Variants in NT5C2 observed in about 807,000 individuals in gnomAD.
NT5C2 encodes the protein 5'-nucleotidase, cytosolic II.
Under a neutral mutation model 76.1 loss-of-function variants are expected in NT5C2, and 58 were observed. That is an observed-to-expected ratio of 0.76 (90% confidence interval 0.62 to 0.95). The LOEUF is 0.95. Among genes scored for constraint, NT5C2 ranks in the 40% least tolerant of loss-of-function variants. The pLI, the probability that NT5C2 is intolerant of heterozygous loss-of-function variation, is 0.00. For synonymous variants in NT5C2, 229 were observed against 237.4 expected, an observed-to-expected ratio of 0.96 and a Z score of 0.32; for missense variants, 478 against 690.3, an observed-to-expected ratio of 0.69 and a Z score of 3.45.
At position 103,090,776 on chromosome 10, in the gene NT5C2, A is replaced by ATGAG; in HGVS notation, c.1280_1283dup (p.Asp429SerfsTer2). The ATGAG allele has an allele frequency of 6.2e-7, 1 of 1,614,000 alleles. No individual in the cohort carries two copies. Reference sequence around the variant, plus strand: ...TCATCCCATAGCACATGTCCATGTCATGAGTTACTTTCTAAAACAAAGAAC... The same window carrying ATGAG: ...TCATCCCATAGCACATGTCCATGTCATGAGTGAGTTACTTTCTAAAACAAAGAAC... On this transcript the variant is annotated frameshift_variant, in exon 18 of 19. Coordinates refer to ENST00000404739, the MANE Select transcript of NT5C2 (RefSeq NM_001351169.2). LOFTEE classifies it high-confidence loss of function.
rs1369817879 is a variant in NT5C2 at position 103,101,247 on chromosome 10, A to G, written c.469T>C (p.Phe157Leu). Residue 157 changes from phenylalanine (F) to leucine (L), a missense_variant, in exon 7 of 19, where the codon TTC (phenylalanine) becomes CTC (leucine). Coordinates refer to ENST00000404739, the MANE Select transcript of NT5C2 (RefSeq NM_001351169.2). The stretch of plus-strand genomic sequence containing the variant: ...AGAATGAATCTACCTGGTAGGTTGA[A>G]TAGTGTGTTCAGAATGTAAAATCTT... ...TERFYILNTL[F>L]NLPETYLLAC... 6.3e-7 allele frequency: 1 copy of G among 1,594,518 alleles called. No homozygotes were observed. Among genetic ancestry groups the G allele is most frequent in the Non-Finnish European group, 8.6e-7 (1 of 1,162,658 alleles).
At chr10:103,122,891 T>A (rs77107966) in intron 4 of NT5C2, among the ~76,000 whole-genome samples, 281 of 152,322 alleles carry the variant, frequency 1.8e-3, no homozygotes, top group African/African-American at 6.6e-3. Context: ...TATCCACTTC[T>A]TTATCAATCC....
intron 4 of NT5C2, among the ~76,000 whole-genome samples, chr10:103,132,059 G>A (rs945297119): frequency 5.3e-5 from 8 of 152,020 alleles, no homozygotes; most frequent in Non-Finnish European, 1.2e-4. Flanking sequence ...TGACCAACAC[G>A]GTGAAACCCT....
intron 8 of NT5C2, among the ~76,000 whole-genome samples, chr10:103,100,340 T>A (rs1024916703): frequency 6.6e-6 from 1 of 152,242 alleles, no homozygotes; most frequent in East Asian, 1.9e-4. Flanking sequence ...ATTTAAAACT[T>A]AAAATTGGTC....
chr10:103,096,371 CTG>C (rs1187337255), intron 11 of NT5C2, among the ~76,000 whole-genome samples: 1 of 152,188 alleles, frequency 6.6e-6, no homozygotes, highest in Non-Finnish European at 1.5e-5. Flanking sequence ...TTATGTAAGA[CTG>C]TTTACTACAA....
chr10:103,136,128 A>G (rs867861976), intron 4 of NT5C2, among the ~76,000 whole-genome samples: 15 of 152,248 alleles, frequency 9.9e-5, no homozygotes, highest in South Asian at 2.1e-4. Context: ...GCCCAATCTC[A>G]GGTATGTCTA....
At chr10:103,181,001 C>T (rs1272876906) in intron 2 of NT5C2, among the ~76,000 whole-genome samples, 184 bp downstream of exon 2, 1 of 152,052 alleles carries the variant, frequency 6.6e-6, no homozygotes, top group East Asian at 1.9e-4. Flanking sequence ...TGACAGAACA[C>T]AGACCAGTGG....
At chr10:103,134,749 C>T (rs1016390816) in intron 4 of NT5C2, among the ~76,000 whole-genome samples, 1 of 152,202 alleles carries the variant, frequency 6.6e-6, no homozygotes, top group African/African-American at 2.4e-5. Context: ...CACAGACACC[C>T]AACACCAGCC....
At position 103,099,995 on chromosome 10, in the gene NT5C2, C is replaced by T. The variant is rs761691397; in HGVS notation, c.564G>A (p.Gly188=). Residue 188 remains glycine, a synonymous_variant, in exon 9 of 19, where the codon GGG becomes GGA. Coordinates refer to ENST00000404739, the MANE Select transcript of NT5C2 (RefSeq NM_001351169.2). The part of the protein sequence containing the change: ...YTSCETGFKD[G]DLFMSYRSMF... ...TACTCCGGTAGGACATGAAGAGGTC[C>T]CCATCTTTAAATCCTGTTTCACAAC... is the stretch of plus-strand genomic sequence containing the variant. 8 of 1,611,148 alleles carry T rather than the reference C, an allele frequency of 5.0e-6. No homozygotes were observed. The highest frequency in any genetic ancestry group is 1.1e-5 in the South Asian group (1 of 91,006).
intron 4 of NT5C2, 87 bp from the exon 5 acceptor site, chr10:103,106,793 A>C: frequency 1.2e-6 from 1 of 845,190 alleles, no homozygotes; most frequent in Non-Finnish European, 2.0e-6. Flanking sequence ...GCTCTTTCCC[A>C]GTTCTTCCCC....
Position 103,096,845 on chromosome 10 carries a change from CAAAAAAA to C in NT5C2, c.771+439_771+445del, listed in dbSNP as rs71019656. ...TGGGCGACAGAGTGAGACTCTGTCTCAAAAAAAAAAAAAAAAAAAAAAAAAAGATATA... is the reference window on the plus strand; with the variant it reads ...TGGGCGACAGAGTGAGACTCTGTCTCAAAAAAAAAAAAAAAAAAAGATATA... On this transcript the variant is annotated intron_variant, in intron 11 of 18. Transcript: ENST00000404739. Among the ~76,000 whole-genome samples, 16 of 31,388 alleles carry C rather than the reference CAAAAAAA, an allele frequency of 5.1e-4. No individual in the cohort carries two copies. The East Asian group carries it at 0.014, about 28-fold the overall frequency. 20.6% of individuals were successfully genotyped at this position (31,388 alleles called of 152,430 possible).
chr10:103,162,975 G>A (rs1366672588), intron 3 of NT5C2, among the ~76,000 whole-genome samples: 1 of 151,892 alleles, frequency 6.6e-6, no homozygotes, highest in Non-Finnish European at 1.5e-5. Context: ...CTAACTCTTA[G>A]AACCCACTAA....
intron 3 of NT5C2, among the ~76,000 whole-genome samples, chr10:103,170,466 G>GA (rs1042989703): frequency 1.3e-5 from 2 of 150,940 alleles, no homozygotes; most frequent in Non-Finnish European, 2.9e-5. Context: ...CATTCCAAAT[G>GA]AGTTAGGAGT....
intron 4 of NT5C2, among the ~76,000 whole-genome samples, chr10:103,129,336 C>T (rs1175726541): frequency 6.6e-5 from 7 of 105,452 alleles, no homozygotes; most frequent in East Asian, 3.4e-4. Flanking sequence ...CCGCCCCGTC[C>T]GGGAGGGAGG....
At chr10:103,151,599 A>G (rs12775302) in intron 3 of NT5C2, among the ~76,000 whole-genome samples, 47,933 of 152,038 alleles carry the variant, frequency 0.32, 7,638 homozygotes, top group Middle Eastern at 0.37. Context: ...CTTAACACTA[A>G]TATCACACTG....
intron 3 of NT5C2, among the ~76,000 whole-genome samples, chr10:103,170,526 C>CTTTTT (rs71019664): frequency 1.7e-5 from 2 of 117,792 alleles, no homozygotes; most frequent in Non-Finnish European, 3.5e-5. Context: ...CACATGCACA[C>CTTTTT]TTTTTTTTTT....
At chr10:103,140,761 T>C (rs1232137445) in intron 3 of NT5C2, among the ~76,000 whole-genome samples, 1 of 152,222 alleles carries the variant, frequency 6.6e-6, no homozygotes. Context: ...GTGGTTTTGA[T>C]TTGCACTTCC....
At chr10:103,133,761 G>A (rs1454786176) in intron 4 of NT5C2, among the ~76,000 whole-genome samples, 2 of 152,200 alleles carry the variant, frequency 1.3e-5, no homozygotes, top group African/African-American at 4.8e-5. Context: ...AGAAAAATGT[G>A]GGAAAGTTTA....
In NT5C2 at chr10:103,089,476, G is replaced by T; in HGVS notation, c.*196C>A. On this transcript the variant is annotated 3_prime_UTR_variant, in exon 19 of 19. Coordinates refer to ENST00000404739, the MANE Select transcript of NT5C2 (RefSeq NM_001351169.2). ...CTAATACAGACTCCATTACAATTTTGGACCATCTGCAGAGAGTACAGATAC... is the reference window on the plus strand; with the variant it reads ...CTAATACAGACTCCATTACAATTTTTGACCATCTGCAGAGAGTACAGATAC... The T allele has an allele frequency of 3.4e-6, 3 of 887,952 alleles. No individual in the cohort carries two copies. Among genetic ancestry groups the T allele is most frequent in the Non-Finnish European group, 4.7e-6 (3 of 636,776 alleles). The allele number at this position is 887,952 out of a possible 1,614,324, so 55.0% of individuals were successfully genotyped here. A position where few individuals can be genotyped will look rare whatever the true frequency, so the allele number is the denominator to read the frequency against.
Sources: allele counts gnomAD v4.1 joint callset (sites outside exome capture counted in the v4.1 genomes callset), GRCh38; gene constraint gnomAD v4.1.1; transcripts MANE v1.5; gene names NCBI Gene and HGNC (gene_info 2026-07-23, HGNC 2026-07-21).